The following MYO7A variants were observed in gnomAD, a reference collection of about 807,000 sequenced individuals.
MYO7A encodes unconventional myosin-VIIa.
MYO7A carries 210 observed loss-of-function variants against 263.8 expected under a neutral mutation model. That is an observed-to-expected ratio of 0.80 (90% confidence interval 0.71 to 0.89). The LOEUF is 0.89. Ranked by LOEUF, MYO7A falls within the 40% of genes least tolerant of loss-of-function variation. MYO7A has a pLI of 0.00. For synonymous variants in MYO7A, 1,239 were observed against 1,197.3 expected, an observed-to-expected ratio of 1.03 and a Z score of -0.72; for missense variants, 2,820 against 2,968.3, an observed-to-expected ratio of 0.95 and a Z score of 1.16.
At chr11:77,194,086 A>G (rs567614296) in intron 31 of MYO7A, 2 of 651,286 alleles carry the variant, frequency 3.1e-6, no homozygotes, top group Non-Finnish European at 5.7e-6. Context: ...GCATCACTTC[A>G]TGTGCCCCTG....
chr11:77,134,781 CTT>C (rs34558738), intron 2 of MYO7A, among the ~76,000 whole-genome samples: 12 of 124,552 alleles, frequency 9.6e-5, no homozygotes, highest in African/African-American at 2.1e-4. Flanking sequence ...TACCACTTAA[CTT>C]TTTTTTTTTT....
chr11:77,174,667 G>T (rs1954455204), intron 16 of MYO7A, 89 bp from the exon 17 acceptor site: 3 of 1,417,676 alleles, frequency 2.1e-6, no homozygotes, highest in Non-Finnish European at 2.9e-6. Context: ...TGGCCTTTCT[G>T]AGCCTTTGTC....
At chr11:77,137,344 C>T (rs959687683) in intron 2 of MYO7A, among the ~76,000 whole-genome samples, 1 of 152,254 alleles carries the variant, frequency 6.6e-6, no homozygotes, top group South Asian at 2.1e-4. Flanking sequence ...CCATTCCCCC[C>T]ACCCAGTCCC....
intron 2 of MYO7A, among the ~76,000 whole-genome samples, chr11:77,141,925 T>G (rs1486977779): frequency 6.6e-6 from 1 of 152,248 alleles, no homozygotes; most frequent in Non-Finnish European, 1.5e-5. Flanking sequence ...CACCTCTAAC[T>G]AGAACGTAGA....
intron 26 of MYO7A, 89 bp downstream of exon 26, chr11:77,183,246 A>G: frequency 8.9e-7 from 1 of 1,129,704 alleles, no homozygotes; most frequent in Non-Finnish European, 1.3e-6. Flanking sequence ...GGGCCCACGG[A>G]AGCAGGAGCA....
chr11:77,213,943 G>A lies in MYO7A; in HGVS notation c.6522G>A (p.Leu2174=). Residue 2174 remains leucine, a synonymous_variant, in exon 48 of 49, where the codon TTG becomes TTA. Coordinates refer to ENST00000409709, the MANE Select transcript of MYO7A (RefSeq NM_000260.4). ...NTYFHITIGN[L]VRGSKLLCET... is the part of the protein sequence containing the mutation. ...ACTTCCACATCACCATTGGGAACTTGGTGCGCGGGAGCAAACTGCTCTGCG... is the reference window on the plus strand; with the variant it reads ...ACTTCCACATCACCATTGGGAACTTAGTGCGCGGGAGCAAACTGCTCTGCG... The A allele has an allele frequency of 6.2e-7, 1 of 1,614,074 alleles. No individual in the cohort carries two copies. The highest frequency in any genetic ancestry group is 8.5e-7 in the Non-Finnish European group (1 of 1,179,910).
chr11:77,156,703 C>T lies in MYO7A; in HGVS notation c.514C>T (p.Leu172=), dbSNP rs368246776. 1.5e-4 allele frequency: 245 copies of T among 1,613,988 alleles called. No individual in the cohort carries two copies. The East Asian group carries it at 2.8e-3, about 18-fold the overall frequency. Residue 172 remains leucine, a synonymous_variant, in exon 6 of 49, where the codon CTG becomes TTG. Transcript: ENST00000409709. The part of the protein sequence containing the change: ...AGKTESTKLI[L]QFLAAISGQH... ...GAAGACGGAGAGCACAAAGCTGATCCTGCAGTTCCTGGCAGCCATCAGTGG... is the reference window on the plus strand; with the variant it reads ...GAAGACGGAGAGCACAAAGCTGATCTTGCAGTTCCTGGCAGCCATCAGTGG...
At chr11:77,193,679 G>A (rs1387652422) in intron 31 of MYO7A, among the ~76,000 whole-genome samples, 1 of 152,160 alleles carries the variant, frequency 6.6e-6, no homozygotes, top group Non-Finnish European at 1.5e-5. Flanking sequence ...CAAACTGGTT[G>A]GAAAATATCT....
intron 24 of MYO7A, 128 bp downstream of exon 24, chr11:77,182,282 A>G (rs1955298868): frequency 6.9e-7 from 1 of 1,441,048 alleles, no homozygotes; most frequent in South Asian, 1.3e-5. Flanking sequence ...AGGTCTGACT[A>G]TAGTCTTCAC....
Position 77,190,846 on chromosome 11 carries a change from C to A in MYO7A, c.3900C>A (p.Ser1300=). ...CTCTCAAGGACCGGTTCGGGTTCTC[C>A]CTCTACATTGCCCTGTTTGACAAGG... is the stretch of plus-strand genomic sequence containing the variant. ...KISLKDRFGF[S]LYIALFDKVS... is the part of the protein sequence containing the mutation. The change falls in exon 30 of 49, where the codon TCC becomes TCA. Residue 1300 remains serine, a synonymous_variant. Transcript: ENST00000409709. 6.3e-7 allele frequency: 1 copy of A among 1,583,410 alleles called. No homozygotes were observed.
At position 77,179,814 on chromosome 11, in the gene MYO7A, G is replaced by A. The variant is rs148343670; in HGVS notation, c.2447G>A (p.Arg816His). The A allele has an allele frequency of 5.4e-4, 834 of 1,547,164 alleles. 8 individuals are homozygous for A. In the African/African-American group the frequency reaches 9.4e-3, roughly 17 times the overall value. Reference protein sequence around the residue: ...LHQQYRLARQRIIQFQARCRA... With the variant: ...LHQQYRLARQHIIQFQARCRA... ...CAGCAGTACCGCCTGGCCCGCCAGC[G>A]CATCATCCAGTTCCAGGCCCGCTGC... Residue 816 changes from arginine (R) to histidine (H), a missense_variant, in exon 21 of 49, where the codon CGC becomes CAC. By Grantham distance (29) the Arg-to-His change is conservative. Coordinates refer to ENST00000409709, the MANE Select transcript of MYO7A (RefSeq NM_000260.4).
chr11:77,184,231 G>A (rs1300238862), intron 26 of MYO7A, among the ~76,000 whole-genome samples: 2 of 152,124 alleles, frequency 1.3e-5, no homozygotes, highest in African/African-American at 4.8e-5. Context: ...ATGTTGGCGG[G>A]GGCACCCCAG....
rs775511632 is a variant in MYO7A, at chr11:77,156,950, C to G, written c.681C>G (p.Ile227Met). ...TCCACTTCAACAAGCGGGGCGCCATCGAGGGCGCGAAGATTGAGCAGTACC... is the reference window on the plus strand; with the variant it reads ...TCCACTTCAACAAGCGGGGCGCCATGGAGGGCGCGAAGATTGAGCAGTACC... ...IDIHFNKRGA[I>M]EGAKIEQYLL... The change falls in exon 7 of 49, where the codon ATC becomes ATG. Residue 227 changes from isoleucine to methionine, a missense_variant. Physicochemically the swap from Ile to Met is conservative, Grantham distance 10 (BLOSUM62 1). Transcript: ENST00000409709. The G allele has an allele frequency of 1.2e-6, 2 of 1,613,958 alleles. No individual in the cohort carries two copies. Among genetic ancestry groups the G allele is most frequent in the Admixed American group, 3.3e-5 (2 of 60,036 alleles).
At chr11:77,178,931 C>T in intron 19 of MYO7A, 114 bp from the exon 20 acceptor site, 1 of 780,714 alleles carries the variant, frequency 1.3e-6, no homozygotes, top group Admixed American at 2.1e-5. Flanking sequence ...TGCCCAAGGT[C>T]ATATAGCTAG....
intron 44 of MYO7A, 49 bp from the exon 45 acceptor site, chr11:77,211,103 C>A: frequency 6.8e-7 from 1 of 1,476,738 alleles, no homozygotes; most frequent in Non-Finnish European, 9.1e-7. Context: ...GAAAGGAGCC[C>A]ACTTCTGCCA....
rs1388758037 is a variant in MYO7A at position 77,211,890 on chromosome 11, C to T, written c.6307C>T (p.Leu2103Phe). ...KEEAKLAFLKLIFKWPTFGSA... is the reference protein window; with the variant it reads ...KEEAKLAFLKFIFKWPTFGSA... ...GGAGGCCAAGCTGGCCTTCCTGAAG[C>T]TCATCTTCAAGTGGCCCACCTTTGG... The change falls in exon 46 of 49, where the codon CTC becomes TTC. Residue 2103 changes from leucine to phenylalanine, a missense_variant. Physicochemically the swap from Leu to Phe is conservative, Grantham distance 22. Transcript: ENST00000409709. The T allele has an allele frequency of 1.9e-6, 3 of 1,613,986 alleles. No individual in the cohort carries two copies. The highest frequency in any genetic ancestry group is 1.1e-5 in the South Asian group (1 of 91,078).
chr11:77,192,781 G>A (rs1956187270), intron 31 of MYO7A, among the ~76,000 whole-genome samples: 1 of 29,026 alleles, frequency 3.4e-5, no homozygotes, highest in Non-Finnish European at 7.6e-5. Flanking sequence ...TGGAAATGAA[G>A]AGGATAGTTG....
At chr11:77,160,101 C>A in intron 10 of MYO7A, 62 bp from the exon 11 acceptor site, 1 of 1,525,712 alleles carries the variant, frequency 6.6e-7, no homozygotes, top group South Asian at 1.2e-5. Context: ...TGGAGGGATC[C>A]GGGTGTGGGT....
chr11:77,191,095 G>T (rs750777226), intron 30 of MYO7A: 4 of 452,576 alleles, frequency 8.8e-6, no homozygotes, highest in Non-Finnish European at 1.6e-5. Flanking sequence ...GCTGAGGCGG[G>T]CAGATCACAA....
Sources: allele counts gnomAD v4.1 joint callset (sites outside exome capture counted in the v4.1 genomes callset), GRCh38; gene constraint gnomAD v4.1.1; transcripts MANE v1.5; gene names NCBI Gene and HGNC (gene_info 2026-07-23, HGNC 2026-07-21).